DAB1: variants seen among roughly 807,000 people sequenced by gnomAD.
DAB1 encodes DAB adaptor protein 1.
DAB1 carries 15 observed loss-of-function variants against 64.6 expected under a neutral mutation model. The observed-to-expected ratio is 0.23, with a 90% CI of 0.16 to 0.36. DAB1 has a LOEUF of 0.36. Ranked by LOEUF, DAB1 falls within the 10% of genes least tolerant of loss-of-function variation. The pLI is 1.00. For missense variants in DAB1, 596 were observed against 706.7 expected, an observed-to-expected ratio of 0.84 and a Z score of 1.78; for synonymous variants, 235 against 251.9, an observed-to-expected ratio of 0.93 and a Z score of 0.64.
intron 5 of DAB1, among the ~76,000 whole-genome samples, chr1:57,966,933 T>C (rs1212176558): frequency 1.3e-5 from 2 of 152,244 alleles, no homozygotes; most frequent in Admixed American, 1.3e-4. Flanking sequence ...TTGAACATGG[T>C]ACCTGTAGTT....
At chr1:57,390,898 C>G (rs1005974052) in intron 1 of DAB1, among the ~76,000 whole-genome samples, 1 of 152,212 alleles carries the variant, frequency 6.6e-6, no homozygotes, top group African/African-American at 2.4e-5. Flanking sequence ...TAGCTGTCCT[C>G]CTTCTCCTAA....
intron 5 of DAB1, among the ~76,000 whole-genome samples, chr1:58,144,884 C>A (rs775857136): frequency 1.3e-5 from 2 of 152,182 alleles, no homozygotes; most frequent in Non-Finnish European, 2.9e-5. Context: ...CAGTCTGTCT[C>A]CTAGGCAGAC....
intron 5 of DAB1, among the ~76,000 whole-genome samples, chr1:57,939,512 C>T (rs184757823): frequency 2.0e-5 from 3 of 152,138 alleles, no homozygotes; most frequent in African/African-American, 4.8e-5. Flanking sequence ...AACAAATTTC[C>T]GTTCAATTTC....
chr1:58,520,378 A>C (rs1646243601), intron 2 of DAB1, among the ~76,000 whole-genome samples: 1 of 152,210 alleles, frequency 6.6e-6, no homozygotes, highest in South Asian at 2.1e-4. Flanking sequence ...TAAGAACACA[A>C]ACTTCCTTGC....
rs533199265 is a variant in DAB1 at position 58,483,923 on chromosome 1, C to G, written n.257+22137G>C. On this transcript the variant is annotated intron_variant and non_coding_transcript_variant, in intron 3 of 20. Coordinates refer to the DAB1 transcript ENST00000485760. ...GTAGTGCCTATGTTTAAGCACTGCA[C>G]TGGCATCAGTAAAGGGGGAGAGTAT... 7.9e-5 allele frequency among the ~76,000 whole-genome samples: 12 copies of G among 152,292 alleles called. No individual in the cohort carries two copies. The South Asian group carries it at 2.5e-3, about 32-fold the overall frequency.
intron 2 of DAB1, among the ~76,000 whole-genome samples, chr1:58,507,206 T>A (rs996188698): frequency 2.0e-5 from 3 of 151,902 alleles, no homozygotes; most frequent in Non-Finnish European, 4.4e-5. Context: ...TCTTAACTTA[T>A]TCTTTCTATA....
intron 6 of DAB1, among the ~76,000 whole-genome samples, chr1:57,657,969 C>T (rs1028165822): frequency 2.0e-5 from 3 of 152,182 alleles, no homozygotes; most frequent in Non-Finnish European, 4.4e-5. Context: ...ATCCATCCTT[C>T]CTTTTCTTCA....
intron 6 of DAB1, among the ~76,000 whole-genome samples, chr1:57,687,360 C>T (rs3131765): frequency 0.72 from 108,681 of 151,810 alleles, 39,482 homozygotes; most frequent in East Asian, 0.93. Flanking sequence ...ACAAGGGGAA[C>T]AGCAAAACAC....
intron 3 of DAB1, among the ~76,000 whole-genome samples, chr1:58,497,275 G>A (rs961238538): frequency 6.6e-6 from 1 of 152,084 alleles, no homozygotes; most frequent in African/African-American, 2.4e-5. Flanking sequence ...AGGACTTTAG[G>A]GACGTAAGGA....
chr1:57,174,280 C>A (rs537913475), intron 2 of DAB1, among the ~76,000 whole-genome samples: 2 of 152,160 alleles, frequency 1.3e-5, no homozygotes, highest in African/African-American at 2.4e-5. Context: ...CATTCCAATA[C>A]CAGATACAGA....
At chr1:58,227,066 G>A (rs1281670833) in intron 4 of DAB1, among the ~76,000 whole-genome samples, 3 of 152,196 alleles carry the variant, frequency 2.0e-5, no homozygotes, top group Non-Finnish European at 4.4e-5. Flanking sequence ...CAGAGTTTCT[G>A]AACTGACTGC....
intron 4 of DAB1, among the ~76,000 whole-genome samples, chr1:58,155,556 C>G (rs1294645772): frequency 6.6e-6 from 1 of 152,182 alleles, no homozygotes; most frequent in African/African-American, 2.4e-5. Flanking sequence ...ATTGGCAGAG[C>G]CTAAGAGGGA....
chr1:57,801,408 T>C (rs1651117976), intron 6 of DAB1, among the ~76,000 whole-genome samples: 1 of 152,222 alleles, frequency 6.6e-6, no homozygotes, highest in East Asian at 1.9e-4. Context: ...CAGAGCCTCT[T>C]CTTTTTCTCA....
Position 57,744,074 on chromosome 1 carries a change from A to G in DAB1, n.552-94409T>C, listed in dbSNP as rs535125954. ...ACCTTCCAGCTTGGGCATTAGGGCCATTATGGATACGTCACAGTGCTGCAG... is the reference window on the plus strand; with the variant it reads ...ACCTTCCAGCTTGGGCATTAGGGCCGTTATGGATACGTCACAGTGCTGCAG... On this transcript the variant is annotated intron_variant and non_coding_transcript_variant, in intron 6 of 20. Transcript: ENST00000485760. 2.0e-5 allele frequency among the ~76,000 whole-genome samples: 3 copies of G among 152,364 alleles called. 1 individual carries two copies. The East Asian group carries it at 5.8e-4, about 29-fold the overall frequency.
chr1:57,120,362 G>A (rs568762905), intron 4 of DAB1, among the ~76,000 whole-genome samples: 81 of 152,198 alleles, frequency 5.3e-4, no homozygotes, highest in Non-Finnish European at 8.5e-4. Context: ...TGAACACACC[G>A]GTGAAACCAC....
chr1:57,273,099 T>A (rs564345913), intron 2 of DAB1, among the ~76,000 whole-genome samples: 1 of 152,320 alleles, frequency 6.6e-6, no homozygotes, highest in Non-Finnish European at 1.5e-5. Flanking sequence ...CATCTTTGCC[T>A]ATGTGGCATG....
intron 7 of DAB1, among the ~76,000 whole-genome samples, chr1:57,606,557 T>A (rs1246382461): frequency 2.7e-5 from 3 of 109,178 alleles, no homozygotes; most frequent in East Asian, 2.4e-4. Context: ...ATATAATATA[T>A]TATATATTAT....
chr1:58,055,524 A>ATT (rs67787534), intron 5 of DAB1, among the ~76,000 whole-genome samples: 1 of 151,278 alleles, frequency 6.6e-6, no homozygotes. Flanking sequence ...TATTTTCTTT[A>ATT]TTTGTTGACT....
intron 4 of DAB1, among the ~76,000 whole-genome samples, chr1:58,237,634 C>T (rs938923139): frequency 2.0e-5 from 3 of 152,018 alleles, no homozygotes; most frequent in South Asian, 2.1e-4. Flanking sequence ...TACTGAAACC[C>T]GGTGTCAAGA....
Sources: allele counts gnomAD v4.1 joint callset (sites outside exome capture counted in the v4.1 genomes callset), GRCh38; gene constraint gnomAD v4.1.1; transcripts MANE v1.5; gene names NCBI Gene and HGNC (gene_info 2026-07-23, HGNC 2026-07-21).